The following BAZ2B variants were observed in gnomAD, a reference collection of about 807,000 sequenced individuals.
BAZ2B encodes the protein bromodomain adjacent to zinc finger domain 2B.
BAZ2B carries 91 observed loss-of-function variants against 246.0 expected under a neutral mutation model. The observed-to-expected ratio is 0.37, with a 90% CI of 0.31 to 0.44. BAZ2B has a LOEUF of 0.44. Among genes scored for constraint, BAZ2B ranks in the 20% least tolerant of loss-of-function variants. The pLI is 1.00. For missense variants in BAZ2B, 2,332 were observed against 2,533.7 expected, an observed-to-expected ratio of 0.92 and a Z score of 1.71; for synonymous variants, 855 against 860.0, an observed-to-expected ratio of 0.99 and a Z score of 0.10.
chr2:159,552,588 T>G (rs1329097145), intron 2 of BAZ2B, among the ~76,000 whole-genome samples: 1 of 152,168 alleles, frequency 6.6e-6, no homozygotes, highest in African/African-American at 2.4e-5. Flanking sequence ...CACAGTGACG[T>G]TAGTACTTGA....
intron 35 of BAZ2B, 139 bp downstream of exon 35, chr2:159,325,514 T>C (rs761262840): frequency 1.0e-5 from 9 of 893,568 alleles, no homozygotes; most frequent in Admixed American, 9.8e-5. Context: ...CTTTTACTTA[T>C]ATATTTTCTT....
intron 3 of BAZ2B, chr2:159,462,502 T>C: frequency 1.0e-6 from 1 of 986,670 alleles, no homozygotes; most frequent in Non-Finnish European, 1.6e-6. Flanking sequence ...ATGTGGTATC[T>C]GACATTGTTT....
intron 2 of BAZ2B, among the ~76,000 whole-genome samples, chr2:159,553,690 A>AT (rs1318875733): frequency 2.6e-5 from 4 of 152,046 alleles, no homozygotes; most frequent in Non-Finnish European, 5.9e-5. Context: ...AAAAACAGCA[A>AT]TTCTCCTGAC....
At chr2:159,363,213 G>C (rs929868360) in intron 27 of BAZ2B, among the ~76,000 whole-genome samples, 1 of 152,286 alleles carries the variant, frequency 6.6e-6, no homozygotes, top group South Asian at 2.1e-4. Flanking sequence ...TTCTAAACTG[G>C]ATGCTTGGTA....
At chr2:159,412,596 A>G in intron 13 of BAZ2B, 51 bp from the exon 14 acceptor site, 1 of 1,503,054 alleles carries the variant, frequency 6.7e-7, no homozygotes. Context: ...AAATAAACAC[A>G]AGAGATCAAC....
intron 2 of BAZ2B, among the ~76,000 whole-genome samples, chr2:159,545,391 A>G (rs13393063): frequency 0.026 from 3,971 of 152,270 alleles, 174 homozygotes; most frequent in African/African-American, 0.09. Context: ...AAAAGACAAA[A>G]ACTGATTATC....
chr2:159,501,205 T>TATA (rs2081751946), intron 2 of BAZ2B, among the ~76,000 whole-genome samples: 8 of 75,418 alleles, frequency 1.1e-4, no homozygotes, highest in Admixed American at 4.5e-4. Flanking sequence ...ATATATATTT[T>TATA]TATATATATT....
intron 2 of BAZ2B, among the ~76,000 whole-genome samples, chr2:159,517,724 C>G (rs371111959): frequency 2.6e-5 from 4 of 152,068 alleles, no homozygotes; most frequent in African/African-American, 9.7e-5. Flanking sequence ...AAAAAGAACA[C>G]CCAGGAGAGA....
the BAZ2B span, among the ~76,000 whole-genome samples, chr2:159,684,311 A>C: frequency 6.6e-6 from 1 of 152,232 alleles, no homozygotes. Flanking sequence ...TAAAATTTTC[A>C]CTTCTCTTGA....
At chr2:159,468,661 A>G (rs1367502846) in intron 3 of BAZ2B, among the ~76,000 whole-genome samples, 1 of 152,250 alleles carries the variant, frequency 6.6e-6, no homozygotes, top group Admixed American at 6.5e-5. Context: ...CCGCAGCTAC[A>G]GCAGTAATTA....
At chr2:159,425,090 C>G (rs1364149803) in intron 13 of BAZ2B, among the ~76,000 whole-genome samples, 1 of 152,212 alleles carries the variant, frequency 6.6e-6, no homozygotes, top group Non-Finnish European at 1.5e-5. Context: ...TCATTTTGTA[C>G]AATCTCCATG....
intron 3 of BAZ2B, chr2:159,462,377 A>C (rs2076513207): frequency 5.9e-6 from 7 of 1,179,294 alleles, no homozygotes. Flanking sequence ...ATACTGAAGA[A>C]TCCTACATTC....
At chr2:159,483,103 T>C (rs956155626) in intron 2 of BAZ2B, among the ~76,000 whole-genome samples, 6 of 152,190 alleles carry the variant, frequency 3.9e-5, no homozygotes, top group African/African-American at 1.4e-4. Flanking sequence ...TATAATAACA[T>C]GACCTCCCGT....
intron 36 of BAZ2B, 124 bp downstream of exon 36, chr2:159,324,676 ACACACACACAC>A (rs1310623273): frequency 1.3e-5 from 3 of 237,356 alleles, no homozygotes; most frequent in Admixed American, 1.0e-4. Context: ...ACACACACAC[ACACACACACAC>A]ACCTGCCTCA....
At chr2:159,352,300 G>A (rs977277066) in intron 27 of BAZ2B, among the ~76,000 whole-genome samples, 4 of 151,928 alleles carry the variant, frequency 2.6e-5, no homozygotes, top group African/African-American at 9.7e-5. Flanking sequence ...ATTTCCTTAC[G>A]GAGATTTTCT....
At chr2:159,483,030 C>T (rs751533149) in intron 2 of BAZ2B, among the ~76,000 whole-genome samples, 5 of 152,066 alleles carry the variant, frequency 3.3e-5, no homozygotes, top group East Asian at 3.9e-4. Flanking sequence ...CAAATGATCA[C>T]GAACTAACCC....
the BAZ2B span, among the ~76,000 whole-genome samples, chr2:159,678,995 G>A: frequency 3.3e-5 from 5 of 152,244 alleles, no homozygotes; most frequent in South Asian, 8.3e-4. Flanking sequence ...TGAATGGGCC[G>A]GGCGCGGTGG....
intron 24 of BAZ2B, among the ~76,000 whole-genome samples, chr2:159,383,039 A>T (rs987626149): frequency 2.0e-5 from 3 of 152,152 alleles, no homozygotes; most frequent in African/African-American, 7.2e-5. Context: ...ACTCATTAAA[A>T]AAAATGATGA....
chr2:159,450,276 G>A (rs955872579), intron 4 of BAZ2B, among the ~76,000 whole-genome samples: 4 of 152,160 alleles, frequency 2.6e-5, no homozygotes, highest in South Asian at 2.1e-4. Flanking sequence ...TCGGGAGGCT[G>A]AGGCACAAGA....
Sources: gnomAD v4.1 joint callset for allele counts (sites outside exome capture counted in the v4.1 genomes callset) on GRCh38, gnomAD v4.1.1 for gene constraint, MANE v1.5 for transcripts, NCBI Gene and HGNC (gene_info 2026-07-23, HGNC 2026-07-21) for gene names.